The following SCLT1 variants were observed in gnomAD, a reference collection of about 807,000 sequenced individuals.
The protein encoded by SCLT1 is sodium channel-associated protein 1.
SCLT1 carries 78 observed loss-of-function variants against 112.8 expected under a neutral mutation model. The ratio of observed to expected loss-of-function variants is 0.69; its 90% CI spans 0.58 to 0.83. SCLT1 has a LOEUF of 0.83. Among genes scored for constraint, SCLT1 ranks in the 40% least tolerant of loss-of-function variants. The pLI, the probability that SCLT1 is intolerant of heterozygous loss-of-function variation, is 0.00. For synonymous variants in SCLT1, 257 were observed against 254.7 expected (o/e 1.01, Z -0.09); for missense variants, 747 against 770.4 (o/e 0.97, Z 0.36).
At chr4:129,057,777 A>G (rs1242014899) in intron 2 of SCLT1, among the ~76,000 whole-genome samples, 3 of 145,966 alleles carry the variant, frequency 2.1e-5, no homozygotes, top group Non-Finnish European at 4.5e-5. Context: ...TTTGAGAGGG[A>G]GTCTTGCTCT....
chr4:128,936,401 T>C (rs1737185983), intron 18 of SCLT1, among the ~76,000 whole-genome samples: 1 of 152,174 alleles, frequency 6.6e-6, no homozygotes, highest in African/African-American at 2.4e-5. Flanking sequence ...ATAGATTTTG[T>C]TGCAACTATC....
intron 5 of SCLT1, among the ~76,000 whole-genome samples, chr4:129,025,550 C>G (rs1174338660): frequency 6.6e-6 from 1 of 152,004 alleles, no homozygotes; most frequent in Non-Finnish European, 1.5e-5. Context: ...CTGAAGGAAG[C>G]ACTAAACATG....
rs1752819686 is a variant in SCLT1 at position 129,091,524 on chromosome 4, A to C, written c.34+1546T>G. 2.6e-5 allele frequency among the ~76,000 whole-genome samples: 4 copies of C among 151,678 alleles called. No individual in the cohort carries two copies. The South Asian group carries it at 8.4e-4, about 32-fold the overall frequency. ...CAAGTACTATCCTGACTCTAGCCAA[A>C]CTCCTCATCAACCAATTCCTGTCCC... is the stretch of plus-strand genomic sequence containing the variant. On this transcript the variant is annotated intron_variant, in intron 1 of 20. Transcript: ENST00000281142.
chr4:129,004,392 C>T (rs1306190256), intron 5 of SCLT1, among the ~76,000 whole-genome samples: 3 of 151,922 alleles, frequency 2.0e-5, no homozygotes, highest in African/African-American at 7.3e-5. Context: ...ACATCAGAAG[C>T]TTTATTTTTC....
At position 129,093,264 on chromosome 4, in the gene SCLT1, C is replaced by A; in HGVS notation, c.-161G>T. On this transcript the variant is annotated 5_prime_UTR_variant, in exon 1 of 21. Coordinates refer to ENST00000281142, the MANE Select transcript of SCLT1 (RefSeq NM_144643.4). Reference sequence around the variant, plus strand: ...TACTCACGCGGCATCTACAGCCCCGCCACGCTTCTTTCCCCCGCGCCCCAG... The same window carrying A: ...TACTCACGCGGCATCTACAGCCCCGACACGCTTCTTTCCCCCGCGCCCCAG... 1.5e-6 allele frequency: 1 copy of A among 653,402 alleles called. No homozygotes were observed. The highest frequency in any genetic ancestry group is 1.7e-5 in the South Asian group (1 of 57,520). The allele number at this position is 653,402 out of a possible 1,614,324, so 40.5% of individuals were successfully genotyped here. A position where few individuals can be genotyped will look rare whatever the true frequency, so the allele number is the denominator to read the frequency against.
At chr4:129,023,811 T>G (rs1393189516) in intron 5 of SCLT1, among the ~76,000 whole-genome samples, 1 of 152,200 alleles carries the variant, frequency 6.6e-6, no homozygotes, top group Non-Finnish European at 1.5e-5. Flanking sequence ...AGACTGCACC[T>G]GGAAAATCGG....
At chr4:129,003,136 G>C (rs1201980969) in intron 6 of SCLT1, among the ~76,000 whole-genome samples, 1 of 152,084 alleles carries the variant, frequency 6.6e-6, no homozygotes, top group Non-Finnish European at 1.5e-5. Flanking sequence ...CCTTTTCAGG[G>C]ACATGGATGA....
At chr4:128,909,377 G>A (rs758694529) in intron 18 of SCLT1, among the ~76,000 whole-genome samples, 4 of 152,026 alleles carry the variant, frequency 2.6e-5, no homozygotes, top group Non-Finnish European at 5.9e-5. Context: ...AGCCTCCCAA[G>A]TAGCTAGAAC....
In SCLT1 at chr4:128,992,148, A is replaced by G; in HGVS notation, c.686+19T>C. On this transcript the variant is annotated intron_variant, in intron 9 of 20. Transcript: ENST00000281142. ...AAAATAATTAACAATGAAATAATGAAACTCATTTTTGAAAATACCTAAGTT... is the reference window on the plus strand; with the variant it reads ...AAAATAATTAACAATGAAATAATGAGACTCATTTTTGAAAATACCTAAGTT... 1.4e-6 allele frequency: 2 copies of G among 1,470,318 alleles called. No homozygotes were observed. Among genetic ancestry groups the G allele is most frequent in the South Asian group, 1.2e-5 (1 of 84,232 alleles). The allele number at this position is 1,470,318 out of a possible 1,614,324, so 91.1% of individuals were successfully genotyped here. A position where few individuals can be genotyped will look rare whatever the true frequency, so the allele number is the denominator to read the frequency against.
At chr4:129,010,687 G>A (rs1744441100) in intron 5 of SCLT1, among the ~76,000 whole-genome samples, 1 of 151,886 alleles carries the variant, frequency 6.6e-6, no homozygotes, top group East Asian at 1.9e-4. Flanking sequence ...ATTACAACTG[G>A]GAATGGGATT....
chr4:128,952,992 A>G (rs983873083), intron 13 of SCLT1, 152 bp from the exon 14 acceptor site: 1 of 586,820 alleles, frequency 1.7e-6, no homozygotes, highest in Non-Finnish European at 3.0e-6. Flanking sequence ...TAAAGAGCCA[A>G]GAATTTGCCA....
At chr4:129,017,981 T>C (rs971363123) in intron 5 of SCLT1, among the ~76,000 whole-genome samples, 10 of 152,254 alleles carry the variant, frequency 6.6e-5, no homozygotes, top group African/African-American at 2.4e-4. Context: ...GAAGCAGCTA[T>C]ATCTACTGCT....
In SCLT1 at chr4:128,875,578, T is replaced by C. The variant is rs146553460; in HGVS notation, n.355+929A>G. On this transcript the variant is annotated intron_variant and non_coding_transcript_variant, in intron 4 of 7. Transcript: ENST00000503565. ...AGGCACATGACATTGGCCAAGTCAC[T>C]TAACCGTTTTAAGCCTCAGTTTTCC... 3.1e-3 allele frequency among the ~76,000 whole-genome samples: 477 copies of C among 152,314 alleles called. 3 individuals are homozygous for C. The highest frequency in any genetic ancestry group is 0.011 in the African/African-American group (447 of 41,568).
At chr4:128,959,799 G>T in intron 11 of SCLT1, 22 bp from the exon 12 acceptor site, 1 of 1,599,598 alleles carries the variant, frequency 6.3e-7, no homozygotes. Context: ...TAATTACACT[G>T]GGAAAGTTAA....
At chr4:128,894,363 A>AACACACACACACACAC in intron 18 of SCLT1, among the ~76,000 whole-genome samples, 1 of 143,112 alleles carries the variant, frequency 7.0e-6, no homozygotes, top group African/African-American at 2.6e-5. Flanking sequence ...TTGAGTAAGT[A>AACACACACACACACAC]ACACACACAC....
chr4:128,956,966 G>A lies in SCLT1; in HGVS notation c.1146+60C>T, dbSNP rs1016865070. ...ATTTTAATTTACAAATATTTAGGTA[G>A]AATTTAGTCTTTAGTTGTGACTTAA... On this transcript the variant is annotated intron_variant, in intron 13 of 20. Transcript: ENST00000281142. The A allele has an allele frequency of 2.4e-5, 20 of 841,964 alleles. 1 individual carries two copies. In the African/African-American group the frequency reaches 3.2e-4, roughly 13 times the overall value. 52.2% of individuals were successfully genotyped at this position (841,964 alleles called of 1,614,324 possible). A position where few individuals can be genotyped will look rare whatever the true frequency, so the allele number is the denominator to read the frequency against.
At position 129,003,736 on chromosome 4, in the gene SCLT1, C is replaced by T; in HGVS notation, c.426+5G>A. 1 of 1,592,224 alleles carries T rather than the reference C, an allele frequency of 6.3e-7. No homozygotes were observed. Among genetic ancestry groups the T allele is most frequent in the Non-Finnish European group, 8.5e-7 (1 of 1,171,668 alleles). On this transcript the variant is annotated splice_donor_5th_base_variant and intron_variant, in intron 6 of 20. Transcript: ENST00000281142. The stretch of plus-strand genomic sequence containing the variant: ...ATATAATTTTTAAAAATACATGTCA[C>T]TCACTTGATTGGCTAGCTGCAATTG...
chr4:128,954,652 A>C (rs894707609), intron 13 of SCLT1, among the ~76,000 whole-genome samples: 6 of 152,186 alleles, frequency 3.9e-5, no homozygotes, highest in Non-Finnish European at 7.3e-5. Flanking sequence ...GACTTTTCCT[A>C]TGAATAATTA....
intron 4 of SCLT1, among the ~76,000 whole-genome samples, chr4:129,040,638 G>A (rs1285961208): frequency 6.6e-6 from 1 of 152,106 alleles, no homozygotes; most frequent in Admixed American, 6.5e-5. Context: ...CATTTGGAAG[G>A]AAGTGAAATC....
Sources: allele counts gnomAD v4.1 joint callset (sites outside exome capture counted in the v4.1 genomes callset), GRCh38; gene constraint gnomAD v4.1.1; transcripts MANE v1.5; gene names NCBI Gene and HGNC (gene_info 2026-07-23, HGNC 2026-07-21).